Variants in WDR17 observed in about 807,000 individuals in gnomAD.
WDR17 encodes the protein WD repeat domain 17.
Under a neutral mutation model 161.7 loss-of-function variants are expected in WDR17, and 143 were observed. The ratio of observed to expected loss-of-function variants is 0.88; its 90% confidence interval spans 0.77 to 1.02. WDR17 has a LOEUF of 1.02. Among genes scored for constraint, WDR17 ranks in the 50% least tolerant of loss-of-function variants. The pLI is 0.00. For synonymous variants in WDR17, 517 were observed against 515.6 expected (o/e 1.00, Z -0.04); for missense variants, 1,469 against 1,520.9 (o/e 0.97, Z 0.57).
chr4:176,161,492 C>A (rs1263476693), intron 20 of WDR17, among the ~76,000 whole-genome samples: 1 of 152,012 alleles, frequency 6.6e-6, no homozygotes, highest in Non-Finnish European at 1.5e-5. Context: ...AATTTTTCAG[C>A]CTTCTAACCT....
Position 176,181,594 on chromosome 4 carries a change from T to C in WDR17, c.*2015T>C, listed in dbSNP as rs200768932. On this transcript the variant is annotated 3_prime_UTR_variant, in exon 29 of 29. Coordinates refer to ENST00000508596, the MANE Select transcript of WDR17 (RefSeq NM_181265.4). ...TTAAACTCTTAGAGATATCTGTAAC[T>C]CAAATTTTTCTTAGGTGAGGAGGAT... The C allele has an allele frequency of 0.012, 1,965 of 170,764 alleles. 19 individuals carry two copies. Among genetic ancestry groups the C allele is most frequent in the Middle Eastern group, 0.021 (8 of 382 alleles). The allele number at this position is 170,764 out of a possible 1,614,324, so 10.6% of individuals were successfully genotyped here.
At chr4:176,079,246 C>T (rs1734448381) in intron 1 of WDR17, among the ~76,000 whole-genome samples, 1 of 151,756 alleles carries the variant, frequency 6.6e-6, no homozygotes, top group South Asian at 2.1e-4. Flanking sequence ...GTATATATAC[C>T]ACATTTTCTT....
At chr4:176,156,717 A>C (rs938844482) in intron 18 of WDR17, among the ~76,000 whole-genome samples, 1 of 152,122 alleles carries the variant, frequency 6.6e-6, no homozygotes, top group Non-Finnish European at 1.5e-5. Context: ...GGGTGGCCTA[A>C]AACAACAGAA....
intron 1 of WDR17, among the ~76,000 whole-genome samples, chr4:176,073,963 G>A (rs1354777987): frequency 8.2e-5 from 12 of 146,904 alleles, no homozygotes; most frequent in African/African-American, 7.4e-5. Flanking sequence ...TTTTTTTCTT[G>A]TAAATTTGTT....
intron 5 of WDR17, 92 bp from the exon 6 acceptor site, chr4:176,128,646 T>C (rs1337765055): frequency 1.5e-6 from 2 of 1,316,668 alleles, no homozygotes; most frequent in Non-Finnish European, 2.1e-6. Flanking sequence ...TCCTAAAATA[T>C]TTCCAGTTGA....
At chr4:176,141,836 A>G (rs974364540) in intron 10 of WDR17, 147 bp from the exon 11 acceptor site, 1 of 594,722 alleles carries the variant, frequency 1.7e-6, no homozygotes, top group African/African-American at 1.9e-5. Context: ...TAACATTTAT[A>G]CAGTACTTTC....
chr4:176,077,601 G>A (rs759856942), intron 1 of WDR17, among the ~76,000 whole-genome samples: 23 of 151,846 alleles, frequency 1.5e-4, no homozygotes, highest in Non-Finnish European at 2.9e-4. Flanking sequence ...TTTTTCCTGT[G>A]ATAAGTGCCA....
intron 6 of WDR17, among the ~76,000 whole-genome samples, chr4:176,130,662 G>A (rs1425746599): frequency 1.3e-5 from 2 of 149,898 alleles, no homozygotes; most frequent in Admixed American, 1.3e-4. Flanking sequence ...AGAGAATGGC[G>A]TCAACCTGGG....
At chr4:176,076,667 TG>T (rs1405908400) in intron 1 of WDR17, among the ~76,000 whole-genome samples, 1 of 152,010 alleles carries the variant, frequency 6.6e-6, no homozygotes, top group Non-Finnish European at 1.5e-5. Context: ...TGCTCTTTAA[TG>T]TGGATTTTTA....
At chr4:176,108,656 G>T (rs1257060857) in intron 1 of WDR17, among the ~76,000 whole-genome samples, 2 of 151,942 alleles carry the variant, frequency 1.3e-5, no homozygotes, top group Admixed American at 6.6e-5. Flanking sequence ...GGAAACTTGT[G>T]TTATGGGGTG....
intron 4 of WDR17, 68 bp from the exon 5 acceptor site, chr4:176,125,032 AAGTT>A: frequency 1.3e-6 from 2 of 1,532,232 alleles, no homozygotes; most frequent in Admixed American, 1.8e-5. Flanking sequence ...TACAAGGAAA[AAGTT>A]AGCATCATCT....
At chr4:176,167,451 C>T (rs1424745881) in intron 22 of WDR17, among the ~76,000 whole-genome samples, 1 of 150,590 alleles carries the variant, frequency 6.6e-6, no homozygotes, top group African/African-American at 2.4e-5. Flanking sequence ...TCGAGACCAT[C>T]CTGGCTAACA....
At chr4:176,143,822 C>G (rs1232651890) in intron 11 of WDR17, among the ~76,000 whole-genome samples, 1 of 152,052 alleles carries the variant, frequency 6.6e-6, no homozygotes, top group African/African-American at 2.4e-5. Context: ...TCATCACCTC[C>G]TCTCTCTCTA....
intron 4 of WDR17, among the ~76,000 whole-genome samples, chr4:176,123,333 C>T (rs1236551837): frequency 6.6e-6 from 1 of 152,096 alleles, no homozygotes; most frequent in Admixed American, 6.5e-5. Context: ...CAAGCGGTCA[C>T]CTCTACAGCA....
At chr4:176,122,873 A>T (rs1267808860) in intron 4 of WDR17, among the ~76,000 whole-genome samples, 1 of 152,174 alleles carries the variant, frequency 6.6e-6, no homozygotes, top group East Asian at 1.9e-4. Context: ...CTATGTTTGT[A>T]TACTTATGTG....
At chr4:176,139,155 T>A (rs1454478933) in intron 9 of WDR17, among the ~76,000 whole-genome samples, 1 of 151,900 alleles carries the variant, frequency 6.6e-6, no homozygotes, top group Admixed American at 6.6e-5. Context: ...AGATAAAAAG[T>A]CACTTTAGTT....
chr4:176,145,596 G>A (rs192917790), intron 11 of WDR17, among the ~76,000 whole-genome samples: 1 of 152,266 alleles, frequency 6.6e-6, no homozygotes, highest in Non-Finnish European at 1.5e-5. Context: ...TTGCCCACCA[G>A]CAAGTAAGCA....
intron 1 of WDR17, among the ~76,000 whole-genome samples, chr4:176,077,985 TA>T (rs35820400): frequency 0.043 from 6,512 of 152,186 alleles, 176 homozygotes; most frequent in East Asian, 0.13. Context: ...TTTCTGTCAC[TA>T]AATATTAGTT....
chr4:176,082,564 A>T, intron 1 of WDR17, among the ~76,000 whole-genome samples: 1 of 151,974 alleles, frequency 6.6e-6, no homozygotes, highest in East Asian at 1.9e-4. Flanking sequence ...CTTTGGTATA[A>T]CCCTTGTCCT....
Sources: allele counts gnomAD v4.1 joint callset (sites outside exome capture counted in the v4.1 genomes callset), GRCh38; gene constraint gnomAD v4.1.1; transcripts MANE v1.5; gene names NCBI Gene and HGNC (gene_info 2026-07-23, HGNC 2026-07-21).